Variants in ZFR2 observed in about 807,000 individuals in gnomAD.
ZFR2 encodes zinc finger RNA binding protein 2.
In ZFR2, 104 loss-of-function variants were observed where a neutral mutation model predicts 105.7. The observed-to-expected ratio is 0.98, with a 90% CI of 0.84 to 1.16. ZFR2 has a LOEUF of 1.16. Ranked by LOEUF, ZFR2 falls within the 50% of genes most tolerant of loss-of-function variation. ZFR2 has a pLI of 0.00. For synonymous variants in ZFR2, 634 were observed against 597.7 expected, an observed-to-expected ratio of 1.06 and a Z score of -0.89; for missense variants, 1,425 against 1,355.5, an observed-to-expected ratio of 1.05 and a Z score of -0.80.
chr19:3,860,197 A>AT (rs113571842), intron 1 of ZFR2, among the ~76,000 whole-genome samples: 7,023 of 134,944 alleles, frequency 0.052, 225 homozygotes, highest in South Asian at 0.077. Context: ...TGCCTGGCTA[A>AT]TTTTTTTTTT....
intron 1 of ZFR2, chr19:3,855,732 G>C (rs1364902572): frequency 2.9e-6 from 1 of 340,722 alleles, no homozygotes; most frequent in Non-Finnish European, 5.3e-6. Context: ...ACACAAAGTT[G>C]GGGAAACAGG....
chr19:3,810,863 A>G lies in ZFR2; in HGVS notation c.2338-18T>C, dbSNP rs1343177493. 2.6e-6 allele frequency: 4 copies of G among 1,549,648 alleles called. No individual in the cohort carries two copies. The highest frequency in any genetic ancestry group is 3.5e-6 in the Non-Finnish European group (4 of 1,146,440). ...GCTCGAGCCTTCGGGGGAGAAGCAC[A>G]CGGTTAGCTTTCAGGGGCTCACGTG... On this transcript the variant is annotated intron_variant, in intron 15 of 18. Transcript: ENST00000262961.
At chr19:3,862,607 G>T (rs749513482) in intron 1 of ZFR2, among the ~76,000 whole-genome samples, 1 of 152,060 alleles carries the variant, frequency 6.6e-6, no homozygotes, top group African/African-American at 2.4e-5. Context: ...CTAACTTTTG[G>T]TTCTAAAACA....
chr19:3,850,900 C>CAAAAAAAAAAAAAAAAAAAAAAAAAAAAA (rs59933286), intron 1 of ZFR2, among the ~76,000 whole-genome samples: 1 of 92,500 alleles, frequency 1.1e-5, no homozygotes, highest in African/African-American at 5.0e-5. Flanking sequence ...GCAGTCTTTT[C>CAAAAAAAAAAAAAAAAAAAAAAAAAAAAA]AAAAAAAAAA....
chr19:3,851,540 T>C (rs1293381193), intron 1 of ZFR2, among the ~76,000 whole-genome samples: 1 of 152,236 alleles, frequency 6.6e-6, no homozygotes, highest in African/African-American at 2.4e-5. Flanking sequence ...GCATGGGCTT[T>C]GTCTCCAATG....
At position 3,813,669 on chromosome 19, in the gene ZFR2, G is replaced by T; in HGVS notation, c.2242+151C>A. On this transcript the variant is annotated intron_variant, in intron 14 of 18. Coordinates refer to ENST00000262961, the MANE Select transcript of ZFR2 (RefSeq NM_015174.2). This position sits in a 1 kb window ranked among gnomAD's most constrained non-coding sequence, Gnocchi z 4.4. ...GAGACCCAGCTCTTGTGTGACCCAT[G>T]GAATCCTCAGGGGGACAGCAGTGCT... 8.7e-7 allele frequency: 1 copy of T among 1,151,784 alleles called. No individual in the cohort carries two copies. The highest frequency in any genetic ancestry group is 1.2e-6 in the Non-Finnish European group (1 of 825,322). 71.3% of individuals were successfully genotyped at this position (1,151,784 alleles called of 1,614,324 possible).
chr19:3,840,682 C>G (rs1568428067), intron 1 of ZFR2, among the ~76,000 whole-genome samples: 1 of 152,118 alleles, frequency 6.6e-6, no homozygotes, highest in Non-Finnish European at 1.5e-5. Context: ...AGGCATGCAC[C>G]ATCACACAAG....
In ZFR2 at chr19:3,834,032, C is replaced by T. The variant is rs1268319821; in HGVS notation, c.265-254G>A. ...TTTCCAAGAGTTCGACTGCAATTTA[C>T]AAGAGGACGCTTGGTGCGGCAGGAG... On this transcript the variant is annotated intron_variant, in intron 2 of 18. Coordinates refer to ENST00000262961, the MANE Select transcript of ZFR2 (RefSeq NM_015174.2). The surrounding 1 kb of genome is among the most constrained non-coding windows in gnomAD (Gnocchi z 5.3). Among the ~76,000 whole-genome samples the T allele has an allele frequency of 7.2e-5, 11 of 152,232 alleles. No homozygotes were observed. In the East Asian group the frequency reaches 2.1e-3, roughly 29 times the overall value.
intron 18 of ZFR2, 65 bp downstream of exon 18, chr19:3,807,107 A>G (rs1026247843): frequency 7.9e-7 from 1 of 1,259,294 alleles, no homozygotes; most frequent in African/African-American, 1.5e-5. Flanking sequence ...TTCGGGGAAC[A>G]CTGCACAGCT....
At chr19:3,825,538 CTT>C (rs985304624) in intron 6 of ZFR2, 131 bp from the exon 7 acceptor site, 12 of 1,202,556 alleles carry the variant, frequency 1.0e-5, no homozygotes, top group Non-Finnish European at 5.7e-6. Flanking sequence ...ACCCCCCTCT[CTT>C]CTCTCCTCCT....
intron 16 of ZFR2, among the ~76,000 whole-genome samples, chr19:3,809,204 G>A (rs1021075905): frequency 7.2e-5 from 11 of 152,254 alleles, no homozygotes; most frequent in South Asian, 2.1e-4. Flanking sequence ...GCGGAGTCTC[G>A]CTCTATTGCC....
In ZFR2 at chr19:3,816,911, C is replaced by G. The variant is rs1456529268; in HGVS notation, c.1932-66G>C. 5 of 1,437,880 alleles carry G rather than the reference C, an allele frequency of 3.5e-6. No homozygotes were observed. The East Asian group carries it at 1.3e-4, about 36-fold the overall frequency. The allele number at this position is 1,437,880 out of a possible 1,614,324, so 89.1% of individuals were successfully genotyped here. A position where few individuals can be genotyped will look rare whatever the true frequency, so the allele number is the denominator to read the frequency against. The stretch of plus-strand genomic sequence containing the variant: ...GACGCGGGGTACCCCAGCTGCCTCC[C>G]TCCTGAGCTACGGGGACCCTGCAAG... On this transcript the variant is annotated intron_variant, in intron 12 of 18. Coordinates refer to ENST00000262961, the MANE Select transcript of ZFR2 (RefSeq NM_015174.2).
chr19:3,856,101 C>T lies in ZFR2; in HGVS notation c.53+12864G>A, dbSNP rs185422380. Among the ~76,000 whole-genome samples the T allele has an allele frequency of 3.0e-4, 45 of 152,266 alleles. No homozygotes were observed. In the East Asian group the frequency reaches 8.1e-3, roughly 27 times the overall value. ...AGGCTGGTGCGCGGTGGAGGCGGTG[C>T]GCGTGCAGGGGCGTGCGCTCAAGGT... On this transcript the variant is annotated intron_variant, in intron 1 of 18. Coordinates refer to ENST00000262961, the MANE Select transcript of ZFR2 (RefSeq NM_015174.2).
rs148799259 is a variant in ZFR2 at position 3,846,152 on chromosome 19, T to C, written c.54-11169A>G. On this transcript the variant is annotated intron_variant, in intron 1 of 18. Coordinates refer to ENST00000262961, the MANE Select transcript of ZFR2 (RefSeq NM_015174.2). Reference sequence around the variant, plus strand: ...CCACCACGCCTGGCTAATTTTTGTATTTTTAATAAAGACGGGGTTTCACCA... The same window carrying C: ...CCACCACGCCTGGCTAATTTTTGTACTTTTAATAAAGACGGGGTTTCACCA... 6.4e-4 allele frequency among the ~76,000 whole-genome samples: 98 copies of C among 152,352 alleles called. No homozygotes were observed. In the East Asian group the frequency reaches 0.018, roughly 29 times the overall value.
In ZFR2 at chr19:3,838,447, G is replaced by C. The variant is rs117582088; in HGVS notation, c.54-3464C>G. Among the ~76,000 whole-genome samples, 112 of 152,316 alleles carry C rather than the reference G, an allele frequency of 7.4e-4. 1 individual carries two copies. In the East Asian group the frequency reaches 0.017, roughly 23 times the overall value. On this transcript the variant is annotated intron_variant, in intron 1 of 18. Transcript: ENST00000262961. This position sits in a 1 kb window ranked among gnomAD's most constrained non-coding sequence, Gnocchi z 4.9. ...GGAAGGTGGAAGGTTCCATACGGGA[G>C]CTGGGGCAGAGCAGAGCTGGCCTCA...
At chr19:3,857,678 G>T (rs1284588850) in intron 1 of ZFR2, among the ~76,000 whole-genome samples, 1 of 135,426 alleles carries the variant, frequency 7.4e-6, no homozygotes, top group African/African-American at 2.9e-5. Context: ...CCTGGGCAAT[G>T]AAGCGAGACC....
In ZFR2 at chr19:3,832,629, T is replaced by TTTTTG. The variant is rs2038030720; in HGVS notation, c.380-752_380-751insCAAAA. Among the ~76,000 whole-genome samples, 3 of 102,042 alleles carry TTTTTG rather than the reference T, an allele frequency of 2.9e-5. No individual in the cohort carries two copies. In the Middle Eastern group the frequency reaches 0.015, roughly 495 times the overall value. 66.9% of individuals were successfully genotyped at this position (102,042 alleles called of 152,430 possible). A position where few individuals can be genotyped will look rare whatever the true frequency, so the allele number is the denominator to read the frequency against. Reference sequence around the variant, plus strand: ...GCTGCTGCACCCGGCCTTTATTTTGTTTTTTTTTTTTATTTTTTATTTTTT... The same window carrying TTTTTG: ...GCTGCTGCACCCGGCCTTTATTTTGTTTTTGTTTTTTTTTTTATTTTTTATTTTTT... On this transcript the variant is annotated intron_variant, in intron 3 of 18. Transcript: ENST00000262961.
At chr19:3,822,021 G>T in intron 9 of ZFR2, 60 bp downstream of exon 9, 7 of 1,523,796 alleles carry the variant, frequency 4.6e-6, no homozygotes, top group Admixed American at 2.0e-5. Context: ...AGGCCTCCCA[G>T]CGCCCGCCGG....
At chr19:3,822,240 C>G in intron 8 of ZFR2, 40 bp from the exon 9 acceptor site, 1 of 1,548,442 alleles carries the variant, frequency 6.5e-7, no homozygotes, top group Non-Finnish European at 8.8e-7. Context: ...AGGCACGAGG[C>G]GGGGTGGGAT....
Sources: gnomAD v4.1 joint callset for allele counts (sites outside exome capture counted in the v4.1 genomes callset) on GRCh38, gnomAD v4.1.1 for gene constraint, Gnocchi (gnomAD v3.1) non-coding constraint, MANE v1.5 for transcripts, NCBI Gene and HGNC (gene_info 2026-07-23, HGNC 2026-07-21) for gene names.